The following VXN variants were observed in gnomAD, a reference collection of about 807,000 sequenced individuals.
VXN encodes vexin.
A neutral mutation model predicts 23.1 loss-of-function variants in VXN; 7 were observed. That is an observed-to-expected ratio of 0.30 (90% CI 0.17 to 0.57). VXN has a LOEUF of 0.57. Among genes scored for constraint, VXN ranks in the 20% least tolerant of loss-of-function variants. The pLI, the probability that VXN is intolerant of heterozygous loss-of-function variation, is 0.91. For synonymous variants in VXN, 120 were observed against 105.8 expected (o/e 1.13, Z -0.83); for missense variants, 238 against 272.6 (o/e 0.87, Z 0.89).
chr8:66,500,661 T>C (rs1343530543), intron 2 of VXN, among the ~76,000 whole-genome samples: 1 of 152,098 alleles, frequency 6.6e-6, no homozygotes, highest in Non-Finnish European at 1.5e-5. Flanking sequence ...TAGGTAGTGT[T>C]TCCACCCTTT....
chr8:66,515,776 C>G (rs1435547789), intron 5 of VXN, 117 bp from the exon 6 acceptor site: 4 of 855,852 alleles, frequency 4.7e-6, no homozygotes, highest in Non-Finnish European at 5.3e-6. Flanking sequence ...CTACGTGGAT[C>G]CCGGTCACTG....
chr8:66,509,548 A>G (rs1807798286), intron 3 of VXN, among the ~76,000 whole-genome samples: 1 of 152,164 alleles, frequency 6.6e-6, no homozygotes, highest in Non-Finnish European at 1.5e-5. Flanking sequence ...GGGTGTCCAC[A>G]GCACCGTGTT....
intron 3 of VXN, among the ~76,000 whole-genome samples, chr8:66,509,581 A>G (rs1807798644): frequency 6.6e-6 from 1 of 152,220 alleles, no homozygotes; most frequent in Admixed American, 6.5e-5. Context: ...CCAGCTATAA[A>G]GACTTAATTC....
At chr8:66,505,959 T>TA (rs1427329092) in intron 3 of VXN, among the ~76,000 whole-genome samples, 1 of 152,142 alleles carries the variant, frequency 6.6e-6, no homozygotes, top group Non-Finnish European at 1.5e-5. Context: ...CAATTTTTTT[T>TA]ATCTTTAAAA....
At chr8:66,497,146 G>A (rs1023699474) in intron 2 of VXN, among the ~76,000 whole-genome samples, 4 of 152,162 alleles carry the variant, frequency 2.6e-5, no homozygotes, top group African/African-American at 4.8e-5. Flanking sequence ...GCCTTCCAAA[G>A]TGCTGGGATT....
At chr8:66,514,130 C>G (rs1311626826) in intron 5 of VXN, 1 of 166,992 alleles carries the variant, frequency 6.0e-6, no homozygotes, top group Non-Finnish European at 1.3e-5. Context: ...ACCCCCGACA[C>G]CCCTCAGTGA....
intron 2 of VXN, among the ~76,000 whole-genome samples, chr8:66,500,541 T>C (rs1187712370): frequency 2.0e-5 from 3 of 152,178 alleles, no homozygotes; most frequent in Admixed American, 2.0e-4. Flanking sequence ...CTTTTTCTTA[T>C]TTTAGATTTA....
At position 66,516,236 on chromosome 8, in the gene VXN, G is replaced by A. The variant is rs946251023; in HGVS notation, c.*160G>A. The A allele has an allele frequency of 1.2e-4, 64 of 550,608 alleles. No homozygotes were observed. The highest frequency in any genetic ancestry group is 1.1e-3 in the African/African-American group (54 of 51,286). The allele number at this position is 550,608 out of a possible 1,614,324, so 34.1% of individuals were successfully genotyped here. ...TTACCCTGGGATAGGGCACAGGAAA[G>A]AAATGTCCCTCGAAGGCAATATAAA... On this transcript the variant is annotated 3_prime_UTR_variant, in exon 6 of 6. Coordinates refer to ENST00000305454, the MANE Select transcript of VXN (RefSeq NM_152765.4).
chr8:66,511,605 G>A (rs951676098), intron 4 of VXN, among the ~76,000 whole-genome samples: 8 of 152,328 alleles, frequency 5.3e-5, no homozygotes, highest in East Asian at 3.9e-4. Context: ...GAAAAAGCAA[G>A]GTCAAGAGGA....
In VXN at chr8:66,515,817, A is replaced by G. The variant is rs1266210586; in HGVS notation, c.441-76A>G. The G allele has an allele frequency of 2.3e-6, 3 of 1,315,450 alleles. No homozygotes were observed. In the Admixed American group the frequency reaches 7.2e-5, roughly 31 times the overall value. 81.5% of individuals were successfully genotyped at this position (1,315,450 alleles called of 1,614,324 possible). On this transcript the variant is annotated intron_variant, in intron 5 of 5. Transcript: ENST00000305454. Reference sequence around the variant, plus strand: ...GAGCAGAGGAGAGAGAGCTCTGGCCACTCTTCTTAAGGGCAAAAATGAAGT... The same window carrying G: ...GAGCAGAGGAGAGAGAGCTCTGGCCGCTCTTCTTAAGGGCAAAAATGAAGT...
At chr8:66,498,034 G>A (rs1418992321) in intron 2 of VXN, among the ~76,000 whole-genome samples, 3 of 152,146 alleles carry the variant, frequency 2.0e-5, no homozygotes, top group Non-Finnish European at 4.4e-5. Flanking sequence ...TGGGCATGGT[G>A]GCGCATGCCT....
chr8:66,507,619 C>T (rs2130552407), intron 3 of VXN, among the ~76,000 whole-genome samples: 1 of 152,234 alleles, frequency 6.6e-6, no homozygotes, highest in South Asian at 2.1e-4. Context: ...GTCTTTTATT[C>T]TGAAAGACAA....
chr8:66,501,049 T>C (rs1807686328), intron 2 of VXN, among the ~76,000 whole-genome samples: 1 of 152,012 alleles, frequency 6.6e-6, no homozygotes. Context: ...ATTTTTTTTG[T>C]ATTTTTAGTA....
intron 3 of VXN, among the ~76,000 whole-genome samples, chr8:66,505,851 A>G (rs1490767984): frequency 1.3e-5 from 2 of 151,992 alleles, no homozygotes; most frequent in Non-Finnish European, 1.5e-5. Flanking sequence ...CCTAGGCTGG[A>G]GTGCAGTGGC....
intron 4 of VXN, 73 bp downstream of exon 4, chr8:66,510,230 C>A: frequency 8.1e-7 from 1 of 1,229,816 alleles, no homozygotes; most frequent in Non-Finnish European, 1.2e-6. Flanking sequence ...TCTCCTGTGC[C>A]ATGAAGAGAG....
Position 66,516,118 on chromosome 8 carries a change from C to T in VXN, c.*42C>T, listed in dbSNP as rs774287394. 5.3e-5 allele frequency: 81 copies of T among 1,521,112 alleles called. No individual in the cohort carries two copies. In the Middle Eastern group the frequency reaches 7.0e-4, roughly 13 times the overall value. The allele number at this position is 1,521,112 out of a possible 1,614,324, so 94.2% of individuals were successfully genotyped here. ...GTGCCCTGTGTTGGCCAAGGTTCCC[C>T]GGACAAGAGGAAAAACCTTCAGGAT... On this transcript the variant is annotated 3_prime_UTR_variant, in exon 6 of 6. Transcript: ENST00000305454.
intron 2 of VXN, among the ~76,000 whole-genome samples, chr8:66,500,484 C>T (rs750783678): frequency 5.3e-5 from 8 of 152,104 alleles, no homozygotes; most frequent in Non-Finnish European, 8.8e-5. Flanking sequence ...TTTTCCCCTA[C>T]GGTTTCTTAC....
At chr8:66,498,788 T>C (rs1228041252) in intron 2 of VXN, 3 of 455,226 alleles carry the variant, frequency 6.6e-6, no homozygotes, top group South Asian at 3.1e-5. Flanking sequence ...TTAAAATCTA[T>C]GAAATATTTC....
rs188679124 is a variant in VXN, at chr8:66,501,799, C to T, written c.127-3576C>T. Reference sequence around the variant, plus strand: ...ACTTTTGCAGATGGGAAAAGTGAGTCCCAAAAAGGAAAGAATTGTCTCTGG... The same window carrying T: ...ACTTTTGCAGATGGGAAAAGTGAGTTCCAAAAAGGAAAGAATTGTCTCTGG... On this transcript the variant is annotated intron_variant, in intron 2 of 5. Transcript: ENST00000305454. Among the ~76,000 whole-genome samples, 9 of 152,224 alleles carry T rather than the reference C, an allele frequency of 5.9e-5. No homozygotes were observed. In the East Asian group the frequency reaches 1.7e-3, roughly 29 times the overall value.
Sources: gnomAD v4.1 joint callset for allele counts (sites outside exome capture counted in the v4.1 genomes callset) on GRCh38, gnomAD v4.1.1 for gene constraint, MANE v1.5 for transcripts, NCBI Gene and HGNC (gene_info 2026-07-23, HGNC 2026-07-21) for gene names.